Variants in PDE1C observed in about 807,000 individuals in gnomAD.
The protein encoded by PDE1C is phosphodiesterase 1C.
PDE1C carries 62 observed loss-of-function variants against 93.1 expected under a neutral mutation model. That is an observed-to-expected ratio of 0.67 (90% CI 0.54 to 0.82). PDE1C has a LOEUF of 0.82. Among genes scored for constraint, PDE1C ranks in the 40% least tolerant of loss-of-function variants. The pLI is 0.00. For missense variants in PDE1C, 742 were observed against 884.6 expected (o/e 0.84, Z 2.04); for synonymous variants, 325 against 310.1 (o/e 1.05, Z -0.50).
intron 2 of PDE1C, among the ~76,000 whole-genome samples, chr7:31,940,062 T>A (rs1440397262): frequency 6.6e-6 from 1 of 152,002 alleles, no homozygotes; most frequent in Non-Finnish European, 1.5e-5. Context: ...CCGGGGGAAG[T>A]TTTTAGAAAT....
intron 1 of PDE1C, among the ~76,000 whole-genome samples, chr7:32,337,242 A>G (rs1449389950): frequency 6.6e-6 from 1 of 152,152 alleles, no homozygotes; most frequent in Non-Finnish European, 1.5e-5. Flanking sequence ...ACTAGGGACC[A>G]TAGACACTAT....
chr7:32,280,167 G>A (rs1301081829), intron 1 of PDE1C, among the ~76,000 whole-genome samples: 1 of 152,068 alleles, frequency 6.6e-6, no homozygotes, highest in Non-Finnish European at 1.5e-5. Flanking sequence ...CACACACAGA[G>A]ATACACACAA....
intron 1 of PDE1C, among the ~76,000 whole-genome samples, chr7:32,249,292 A>T (rs983295206): frequency 1.3e-5 from 2 of 151,946 alleles, no homozygotes; most frequent in Non-Finnish European, 2.9e-5. Context: ...ATGCTACAAA[A>T]TATGTCTGGG....
chr7:31,786,991 T>C (rs534573166), intron 16 of PDE1C: 2 of 150,092 alleles, frequency 1.3e-5, no homozygotes, highest in Non-Finnish European at 3.0e-5. Context: ...TACCTACCTA[T>C]CTAAGGAAAA....
At chr7:31,984,967 T>C (rs79025303) in intron 2 of PDE1C, among the ~76,000 whole-genome samples, 1,879 of 152,220 alleles carry the variant, frequency 0.012, 15 homozygotes, top group Non-Finnish European at 0.021. Context: ...CCTCCTACCC[T>C]AGGTCCATGC....
Position 31,837,218 on chromosome 7 carries a change from G to A in PDE1C, c.1165C>T (p.Arg389Cys), listed in dbSNP as rs914671037. The change falls in exon 11 of 18, where the codon CGC (arginine) becomes TGC (cysteine). Residue 389 changes from arginine to cysteine, a missense_variant. By Grantham distance (180) the Arg-to-Cys change is radical. Transcript: ENST00000396191. ...TCCTCCAGGAGTGACATTGTCCAGC[G>A]ATGATGGAGGTCCCATGCTTTTGCT... ...HPAKAWDLHH[R>C]WTMSLLEEFF... The A allele has an allele frequency of 5.0e-6, 8 of 1,613,758 alleles. No individual in the cohort carries two copies. The highest frequency in any genetic ancestry group is 1.3e-5 in the African/African-American group (1 of 75,038).
At chr7:32,379,461 A>G (rs1784492673) in intron 1 of PDE1C, among the ~76,000 whole-genome samples, 1 of 152,180 alleles carries the variant, frequency 6.6e-6, no homozygotes, top group African/African-American at 2.4e-5. Flanking sequence ...GTTGTCTGTT[A>G]TTTGAAGGGC....
intron 1 of PDE1C, among the ~76,000 whole-genome samples, chr7:32,284,486 A>C (rs1430336622): frequency 3.3e-5 from 5 of 152,264 alleles, no homozygotes; most frequent in Non-Finnish European, 4.4e-5. Context: ...ACAGAAAACT[A>C]CACAGAAATG....
chr7:31,855,003 G>T (rs1007790521), intron 7 of PDE1C, among the ~76,000 whole-genome samples: 1 of 149,686 alleles, frequency 6.7e-6, no homozygotes, highest in Non-Finnish European at 1.5e-5. Flanking sequence ...GGAGGCGGAG[G>T]TTGCAGTGAG....
chr7:31,880,687 A>T (rs1161452272), intron 3 of PDE1C, 60 bp downstream of exon 3: 7 of 963,942 alleles, frequency 7.3e-6, no homozygotes, highest in African/African-American at 1.6e-5. Flanking sequence ...ATTTCAGAAA[A>T]GCCATTTAAG....
intron 1 of PDE1C, among the ~76,000 whole-genome samples, chr7:32,358,881 TTG>T (rs66808716): frequency 1.4e-5 from 2 of 147,564 alleles, no homozygotes; most frequent in Non-Finnish European, 3.0e-5. Context: ...TCATCTAACA[TTG>T]TGTGTGTGTG....
chr7:32,363,033 A>G (rs978686520), intron 1 of PDE1C, among the ~76,000 whole-genome samples: 1 of 152,254 alleles, frequency 6.6e-6, no homozygotes, highest in African/African-American at 2.4e-5. Flanking sequence ...AATAGCTAGT[A>G]TCAATAGAGC....
chr7:32,359,137 C>A (rs569307280), intron 1 of PDE1C, among the ~76,000 whole-genome samples: 1 of 152,240 alleles, frequency 6.6e-6, no homozygotes, highest in African/African-American at 2.4e-5. Context: ...AGCAAAAATC[C>A]AGTTAAGTCA....
intron 1 of PDE1C, among the ~76,000 whole-genome samples, chr7:32,225,444 CA>C (rs1807190658): frequency 6.6e-6 from 1 of 152,100 alleles, no homozygotes; most frequent in African/African-American, 2.4e-5. Flanking sequence ...TTCTGTTTCA[CA>C]AGGCTTTCTG....
At chr7:31,826,100 A>C (rs1479605399) in intron 12 of PDE1C, among the ~76,000 whole-genome samples, 1 of 152,202 alleles carries the variant, frequency 6.6e-6, no homozygotes, top group Non-Finnish European at 1.5e-5. Context: ...AGCTGAAGCT[A>C]GTGGGGATGC....
chr7:31,702,058 T>A, the PDE1C span, among the ~76,000 whole-genome samples: 1 of 152,244 alleles, frequency 6.6e-6, no homozygotes, highest in Non-Finnish European at 1.5e-5. Flanking sequence ...TGCCTTTGTA[T>A]AACCCAGATC....
Position 32,051,593 on chromosome 7 carries a change from G to T in PDE1C, c.102-13C>A. On this transcript the variant is annotated splice_polypyrimidine_tract_variant and intron_variant, in intron 1 of 17. Coordinates refer to ENST00000396191, the MANE Select transcript of PDE1C (RefSeq NM_001191057.4). Reference sequence around the variant, plus strand: ...CTTATATTTCCTCCTGTAAGAAAAGGCATAAACATATATCAGAAAAGGGTT... The same window carrying T: ...CTTATATTTCCTCCTGTAAGAAAAGTCATAAACATATATCAGAAAAGGGTT... The T allele has an allele frequency of 6.2e-7, 1 of 1,612,426 alleles. No homozygotes were observed. The highest frequency in any genetic ancestry group is 8.5e-7 in the Non-Finnish European group (1 of 1,178,628).
intron 2 of PDE1C, among the ~76,000 whole-genome samples, chr7:32,197,943 A>C (rs958014892): frequency 1.3e-5 from 2 of 152,242 alleles, no homozygotes; most frequent in African/African-American, 4.8e-5. Context: ...TAAATGGGTA[A>C]GCTTTATAAT....
In PDE1C at chr7:32,400,888, C is replaced by G. The variant is rs551241920; in HGVS notation, c.310+26934G>C. ...AATGAGCTCCCACTGTCACATGTAC[C>G]CCACAAGCTAAAGTCACCCAGGTGA... On this transcript the variant is annotated intron_variant, in intron 1 of 1. Coordinates refer to the PDE1C transcript ENST00000672256. Among the ~76,000 whole-genome samples the G allele has an allele frequency of 3.3e-5, 5 of 152,308 alleles. 1 individual carries two copies. The highest frequency in any genetic ancestry group is 9.6e-5 in the African/African-American group (4 of 41,568).
Sources: allele counts gnomAD v4.1 joint callset (sites outside exome capture counted in the v4.1 genomes callset), GRCh38; gene constraint gnomAD v4.1.1; transcripts MANE v1.5; gene names NCBI Gene and HGNC (gene_info 2026-07-23, HGNC 2026-07-21).